The following SRRM4 variants were observed in gnomAD, a reference collection of about 807,000 sequenced individuals.
SRRM4 encodes serine/arginine repetitive matrix 4.
SRRM4 carries 33 observed loss-of-function variants against 68.9 expected under a neutral mutation model. That is an observed-to-expected ratio of 0.48 (90% CI 0.36 to 0.64). The LOEUF is 0.64. SRRM4 is among the 30% of genes least tolerant of loss of function. The probability of loss-of-function intolerance (pLI) is 0.00; values close to 1 mark genes in which losing one functional copy is unlikely to be tolerated. For missense variants in SRRM4, 817 were observed against 827.1 expected (o/e 0.99, Z 0.15); for synonymous variants, 318 against 318.8 (o/e 1.00, Z 0.03).
intron 8 of SRRM4, among the ~76,000 whole-genome samples, chr12:119,140,691 G>T (rs1954359846): frequency 6.6e-6 from 1 of 152,236 alleles, no homozygotes; most frequent in Non-Finnish European, 1.5e-5. Flanking sequence ...ACCCAGCACA[G>T]CTTGTTTCAT....
chr12:119,121,932 A>C (rs1954221569), intron 5 of SRRM4, 138 bp from the exon 6 acceptor site: 1 of 651,054 alleles, frequency 1.5e-6, no homozygotes, highest in Non-Finnish European at 2.8e-6. Flanking sequence ...TTGGCAGTGA[A>C]TTTTCCAGTC....
At chr12:119,040,319 C>T (rs1305295365) in intron 1 of SRRM4, among the ~76,000 whole-genome samples, 1 of 152,048 alleles carries the variant, frequency 6.6e-6, no homozygotes, top group Non-Finnish European at 1.5e-5. Flanking sequence ...TACACTGCAC[C>T]ATATTTGTTG....
Position 119,151,152 on chromosome 12 carries a change from G to C in SRRM4, c.1212G>C (p.Ser404=). The change falls in exon 10 of 13, where the codon TCG becomes TCC. Residue 404 remains serine (S), a synonymous_variant. Coordinates refer to ENST00000267260, the MANE Select transcript of SRRM4 (RefSeq NM_194286.4). ...SYASTRSSSH[S]SRSPNPRASP... Reference sequence around the variant, plus strand: ...CCAGCACCCGATCCTCCAGTCACTCGTCCCGATCCCCAAATCCCAGGGCTT... The same window carrying C: ...CCAGCACCCGATCCTCCAGTCACTCCTCCCGATCCCCAAATCCCAGGGCTT... 1 of 1,613,888 alleles carries C rather than the reference G, an allele frequency of 6.2e-7. No individual in the cohort carries two copies. Among genetic ancestry groups the C allele is most frequent in the Non-Finnish European group, 8.5e-7 (1 of 1,179,852 alleles).
intron 1 of SRRM4, among the ~76,000 whole-genome samples, chr12:119,031,585 A>G (rs1953590156): frequency 6.6e-6 from 1 of 152,118 alleles, no homozygotes; most frequent in Admixed American, 6.5e-5. Flanking sequence ...GGGTTTTGAG[A>G]TTTACTGATA....
chr12:119,026,323 T>C (rs1312139216), intron 1 of SRRM4, among the ~76,000 whole-genome samples: 3 of 151,818 alleles, frequency 2.0e-5, no homozygotes, highest in Admixed American at 6.6e-5. Flanking sequence ...CAGGATCACA[T>C]AGAGAAATGG....
Position 119,156,916 on chromosome 12 carries a change from G to T in SRRM4, c.*118G>T. 7.8e-7 allele frequency: 1 copy of T among 1,285,958 alleles called. No homozygotes were observed. The highest frequency in any genetic ancestry group is 1.0e-6 in the Non-Finnish European group (1 of 963,598). The allele number at this position is 1,285,958 out of a possible 1,614,324, so 79.7% of individuals were successfully genotyped here. On this transcript the variant is annotated 3_prime_UTR_variant, in exon 13 of 13. Coordinates refer to ENST00000267260, the MANE Select transcript of SRRM4 (RefSeq NM_194286.4). ...AGGGCTCCTATACCTTGTCCTTCCTGCTTGCCTAGGGGAAGAGGAGAAGAG... is the reference window on the plus strand; with the variant it reads ...AGGGCTCCTATACCTTGTCCTTCCTTCTTGCCTAGGGGAAGAGGAGAAGAG...
intron 9 of SRRM4, among the ~76,000 whole-genome samples, chr12:119,148,831 C>T (rs1954420181): frequency 6.6e-6 from 1 of 152,162 alleles, no homozygotes. Context: ...GAGTCCATGA[C>T]TGTTTATGTC....
At position 119,129,915 on chromosome 12, in the gene SRRM4, G is replaced by GGATGGATGGTTA. The variant is rs1954283758; in HGVS notation, c.615-758_615-757insATGGTTAGATGG. 1.7e-4 allele frequency among the ~76,000 whole-genome samples: 25 copies of GGATGGATGGTTA among 150,164 alleles called. No individual in the cohort carries two copies. The South Asian group carries it at 4.4e-3, about 27-fold the overall frequency. ...TGGATGGATGGATGGATGGATGGAT[G>GGATGGATGGTTA]GATGGTTAGATGGTTAGTTGGATGG... On this transcript the variant is annotated intron_variant, in intron 7 of 12. Transcript: ENST00000267260.
At chr12:119,059,218 C>T (rs1219106754) in intron 1 of SRRM4, among the ~76,000 whole-genome samples, 1 of 152,034 alleles carries the variant, frequency 6.6e-6, no homozygotes, top group Non-Finnish European at 1.5e-5. Context: ...TGACATTCAA[C>T]CCCTTGACAA....
At chr12:119,141,035 A>G (rs866246886) in intron 8 of SRRM4, among the ~76,000 whole-genome samples, 31 of 152,312 alleles carry the variant, frequency 2.0e-4, no homozygotes, top group Admixed American at 8.5e-4. Context: ...TCCACCTCCC[A>G]GGTTCAAGAA....
In SRRM4 at chr12:119,160,704, A is replaced by G. The variant is rs776996347; in HGVS notation, c.*3906A>G. ...GGAGGGATTTGTGAGATAAAAATTC[A>G]AAATGTTGGCCTGAGGCCTGAGAGT... On this transcript the variant is annotated 3_prime_UTR_variant, in exon 13 of 13. Coordinates refer to ENST00000267260, the MANE Select transcript of SRRM4 (RefSeq NM_194286.4). The G allele has an allele frequency of 2.0e-5, 3 of 152,234 alleles. No individual in the cohort carries two copies. Among genetic ancestry groups the G allele is most frequent in the Non-Finnish European group, 2.9e-5 (2 of 68,038 alleles). The allele number at this position is 152,234 out of a possible 1,614,324, so 9.4% of individuals were successfully genotyped here.
chr12:118,992,260 C>A lies in SRRM4; in HGVS notation c.131+10247C>A, dbSNP rs1953321539. On this transcript the variant is annotated intron_variant, in intron 1 of 12. Coordinates refer to ENST00000267260, the MANE Select transcript of SRRM4 (RefSeq NM_194286.4). ...CCCAACGTCAGGGCTCTTGTTTGAA[C>A]TTCTCTGCTGCAACCAGGTGAGCAG... 2.0e-5 allele frequency: 3 copies of A among 152,184 alleles called. No individual in the cohort carries two copies. In the South Asian group the frequency reaches 6.2e-4, roughly 32 times the overall value. The allele number at this position is 152,184 out of a possible 1,614,324, so 9.4% of individuals were successfully genotyped here. A position where few individuals can be genotyped will look rare whatever the true frequency, so the allele number is the denominator to read the frequency against.
At chr12:119,086,757 G>A (rs1953981871) in intron 1 of SRRM4, among the ~76,000 whole-genome samples, 1 of 152,190 alleles carries the variant, frequency 6.6e-6, no homozygotes, top group East Asian at 1.9e-4. Flanking sequence ...TGGCTAGATG[G>A]TTGATCCCTA....
intron 6 of SRRM4, among the ~76,000 whole-genome samples, 168 bp from the exon 7 acceptor site, chr12:119,125,213 C>T (rs1171943536): frequency 6.6e-6 from 1 of 152,114 alleles, no homozygotes; most frequent in Non-Finnish European, 1.5e-5. Flanking sequence ...CACCCAATAC[C>T]CAGGCAGGAA....
intron 1 of SRRM4, among the ~76,000 whole-genome samples, chr12:119,077,988 G>A (rs1437264027): frequency 6.6e-6 from 1 of 152,110 alleles, no homozygotes; most frequent in African/African-American, 2.4e-5. Flanking sequence ...TCAAATCCTA[G>A]CCTCAACTAT....
At chr12:119,149,823 G>A (rs1300270829) in intron 9 of SRRM4, among the ~76,000 whole-genome samples, 1 of 152,158 alleles carries the variant, frequency 6.6e-6, no homozygotes, top group Admixed American at 6.5e-5. Context: ...CCAGGCCATC[G>A]TGAGCCTTGA....
rs141661633 is a variant in SRRM4, at chr12:119,071,460, G to T, written c.132-30776G>T. 2.0e-4 allele frequency among the ~76,000 whole-genome samples: 30 copies of T among 152,326 alleles called. No homozygotes were observed. The East Asian group carries it at 5.6e-3, about 28-fold the overall frequency. Reference sequence around the variant, plus strand: ...CAACTCAGCACATACGAAGCACACAGTAAACAGCTGCCATCATTGTAATTT... The same window carrying T: ...CAACTCAGCACATACGAAGCACACATTAAACAGCTGCCATCATTGTAATTT... On this transcript the variant is annotated intron_variant, in intron 1 of 12. Coordinates refer to ENST00000267260, the MANE Select transcript of SRRM4 (RefSeq NM_194286.4).
At chr12:119,030,897 C>T (rs1041430545) in intron 1 of SRRM4, 1 of 152,166 alleles carries the variant, frequency 6.6e-6, no homozygotes, top group African/African-American at 2.4e-5. Flanking sequence ...GACATTTACA[C>T]TGTTTCCAAA....
intron 1 of SRRM4, among the ~76,000 whole-genome samples, chr12:119,024,292 T>C (rs944450633): frequency 7.2e-5 from 11 of 152,190 alleles, no homozygotes; most frequent in African/African-American, 2.7e-4. Flanking sequence ...TCCAAGTTTT[T>C]CCCGAGTCCA....
Sources: allele counts gnomAD v4.1 joint callset (sites outside exome capture counted in the v4.1 genomes callset), GRCh38; gene constraint gnomAD v4.1.1; transcripts MANE v1.5; gene names NCBI Gene and HGNC (gene_info 2026-07-23, HGNC 2026-07-21).